Variants in CDYL2 observed in about 807,000 individuals in gnomAD.
CDYL2 encodes the protein chromodomain Y like 2.
In CDYL2, 23 loss-of-function variants were observed where a neutral mutation model predicts 49.4. The ratio of observed to expected loss-of-function variants is 0.47; its 90% CI spans 0.34 to 0.66. The LOEUF is 0.66. Among genes scored for constraint, CDYL2 ranks in the 30% least tolerant of loss-of-function variants. The pLI, the probability that CDYL2 is intolerant of heterozygous loss-of-function variation, is 0.01. For synonymous variants in CDYL2, 360 were observed against 268.8 expected (o/e 1.34, Z -3.32); for missense variants, 678 against 656.4 (o/e 1.03, Z -0.36).
chr16:80,716,189 A>G (rs1904792644), intron 1 of CDYL2, among the ~76,000 whole-genome samples: 1 of 152,216 alleles, frequency 6.6e-6, no homozygotes, highest in Non-Finnish European at 1.5e-5. Flanking sequence ...TCACTTCATC[A>G]AAGAGAAGCC....
At chr16:80,634,453 A>G (rs1215119252) in intron 2 of CDYL2, among the ~76,000 whole-genome samples, 10 of 152,204 alleles carry the variant, frequency 6.6e-5, no homozygotes, top group Non-Finnish European at 1.5e-4. Flanking sequence ...CAATGAGAAC[A>G]CTTGGACCCA....
intron 1 of CDYL2, among the ~76,000 whole-genome samples, chr16:80,713,864 G>C (rs1048176222): frequency 2.6e-5 from 4 of 152,136 alleles, no homozygotes; most frequent in Non-Finnish European, 5.9e-5. Context: ...CCCTCACGGA[G>C]AGACTACATG....
intron 2 of CDYL2, among the ~76,000 whole-genome samples, chr16:80,638,078 AT>A (rs372951325): frequency 0.059 from 8,719 of 148,392 alleles, 769 homozygotes; most frequent in African/African-American, 0.19. Context: ...GAAAGACTCC[AT>A]TTTTTTTTTT....
chr16:80,628,580 G>C (rs769755781), intron 3 of CDYL2, among the ~76,000 whole-genome samples: 24 of 152,214 alleles, frequency 1.6e-4, no homozygotes, highest in Non-Finnish European at 3.2e-4. Context: ...GGAAGCATCT[G>C]GCTGAGCCAT....
chr16:80,698,097 G>C (rs1449383955), intron 1 of CDYL2, among the ~76,000 whole-genome samples: 1 of 152,076 alleles, frequency 6.6e-6, no homozygotes, highest in Non-Finnish European at 1.5e-5. Context: ...AAGTTATCCT[G>C]AGCAAAAGAA....
At chr16:80,607,261 AGGGATGAG>A (rs1906378995) in intron 6 of CDYL2, among the ~76,000 whole-genome samples, 2 of 151,360 alleles carry the variant, frequency 1.3e-5, no homozygotes, top group African/African-American at 4.9e-5. Flanking sequence ...GCCAACAGTC[AGGGATGAG>A]GCCCAGCAGG....
At chr16:80,743,399 G>C (rs538868283) in intron 1 of CDYL2, among the ~76,000 whole-genome samples, 71 of 152,320 alleles carry the variant, frequency 4.7e-4, no homozygotes, top group African/African-American at 1.6e-3. Flanking sequence ...TTTATTTGCA[G>C]TCTAAATCTC....
At chr16:80,713,188 T>C (rs2142514761) in intron 1 of CDYL2, among the ~76,000 whole-genome samples, 1 of 152,320 alleles carries the variant, frequency 6.6e-6, no homozygotes, top group South Asian at 2.1e-4. Context: ...CCCTGTGCAA[T>C]GTCTGCTACA....
chr16:80,710,101 T>TA (rs1904543786), intron 1 of CDYL2, among the ~76,000 whole-genome samples: 1 of 152,150 alleles, frequency 6.6e-6, no homozygotes, highest in African/African-American at 2.4e-5. Flanking sequence ...CTAATTTTTG[T>TA]ATTTTTAGTA....
At chr16:80,639,751 T>C in intron 2 of CDYL2, 1 of 455,856 alleles carries the variant, frequency 2.2e-6, no homozygotes, top group Non-Finnish European at 4.4e-6. Context: ...ACGCCACCTC[T>C]CTCCCCTCCC....
At chr16:80,643,606 A>G (rs979421802) in intron 2 of CDYL2, among the ~76,000 whole-genome samples, 20 of 152,230 alleles carry the variant, frequency 1.3e-4, no homozygotes, top group Admixed American at 1.3e-3. Flanking sequence ...TCTGAAATCT[A>G]GGTGGAGGTT....
At chr16:80,671,553 G>A (rs1469167499) in intron 2 of CDYL2, among the ~76,000 whole-genome samples, 2 of 152,234 alleles carry the variant, frequency 1.3e-5, no homozygotes, top group South Asian at 4.1e-4. Context: ...CTCCTCCTTT[G>A]CCATACCATA....
intron 2 of CDYL2, among the ~76,000 whole-genome samples, chr16:80,643,818 C>T (rs1908212728): frequency 6.6e-6 from 1 of 152,208 alleles, no homozygotes; most frequent in East Asian, 1.9e-4. Flanking sequence ...GCCTACAAAA[C>T]CATTTTCCCC....
intron 2 of CDYL2, among the ~76,000 whole-genome samples, chr16:80,639,027 T>C (rs938162200): frequency 1.3e-5 from 2 of 152,154 alleles, no homozygotes; most frequent in African/African-American, 2.4e-5. Context: ...TCAATAATTT[T>C]AAAATGGGCA....
intron 2 of CDYL2, among the ~76,000 whole-genome samples, chr16:80,675,792 C>A (rs1185457441): frequency 6.6e-6 from 1 of 152,092 alleles, no homozygotes; most frequent in Non-Finnish European, 1.5e-5. Context: ...TCTACAGACA[C>A]TGTACCCGCT....
chr16:80,730,310 A>T (rs1283062385), intron 1 of CDYL2, among the ~76,000 whole-genome samples: 6 of 152,240 alleles, frequency 3.9e-5, no homozygotes, highest in Admixed American at 3.9e-4. Context: ...GCCATTAGAG[A>T]ATGCTACAAA....
chr16:80,754,066 C>T (rs1906227084), intron 1 of CDYL2, among the ~76,000 whole-genome samples: 1 of 152,136 alleles, frequency 6.6e-6, no homozygotes, highest in Non-Finnish European at 1.5e-5. Flanking sequence ...TTATTTAATC[C>T]TCACAATAAT....
intron 2 of CDYL2, among the ~76,000 whole-genome samples, chr16:80,640,104 G>C (rs1908016203): frequency 6.6e-6 from 1 of 152,196 alleles, no homozygotes; most frequent in Non-Finnish European, 1.5e-5. Flanking sequence ...AGTAGACTCA[G>C]GGGGCACACA....
chr16:80,750,393 G>A, intron 1 of CDYL2, among the ~76,000 whole-genome samples: 1 of 131,636 alleles, frequency 7.6e-6, no homozygotes, highest in Non-Finnish European at 1.6e-5. Context: ...CAGTAGACTG[G>A]ATCCAAAAAA....
Sources: allele counts gnomAD v4.1 joint callset (sites outside exome capture counted in the v4.1 genomes callset), GRCh38; gene constraint gnomAD v4.1.1; transcripts MANE v1.5; gene names NCBI Gene and HGNC (gene_info 2026-07-23, HGNC 2026-07-21).